Variants in TMIGD3 observed in about 807,000 individuals in gnomAD.
The protein encoded by TMIGD3 is AD026 protein (AD026).
A neutral mutation model predicts 28.1 loss-of-function variants in TMIGD3; 21 were observed. The ratio of observed to expected loss-of-function variants is 0.75; its 90% CI spans 0.53 to 1.08. The LOEUF is 1.08. Ranked by LOEUF, TMIGD3 falls within the 50% of genes least tolerant of loss-of-function variation. TMIGD3 has a pLI of 0.00. For synonymous variants in TMIGD3, 151 were observed against 162.1 expected (o/e 0.93, Z 0.52); for missense variants, 416 against 435.6 (o/e 0.96, Z 0.40).
In TMIGD3 at chr1:111,486,596, C is replaced by T. The variant is rs544577458; in HGVS notation, c.862G>A (p.Asp288Asn). Residue 288 changes from aspartate to asparagine, a missense_variant, in exon 4 of 6, where the codon GAC becomes AAC. By Grantham distance (23) the Asp-to-Asn change is conservative. Coordinates refer to ENST00000369716, the MANE Select transcript of TMIGD3 (RefSeq NM_020683.7). Reference sequence around the variant, plus strand: ...AAGACTATGACTCACCTGGAGCGGTCAGCCTTGCGGACAACTTTGGGAGCC... The same window carrying T: ...AAGACTATGACTCACCTGGAGCGGTTAGCCTTGCGGACAACTTTGGGAGCC... ...CKAPKVVRKADRSRTSILIIC... is the reference protein window; with the variant it reads ...CKAPKVVRKANRSRTSILIIC... 4 of 1,613,414 alleles carry T rather than the reference C, an allele frequency of 2.5e-6. No individual in the cohort carries two copies. Among genetic ancestry groups the T allele is most frequent in the Admixed American group, 1.7e-5 (1 of 60,000 alleles).
intron 1 of TMIGD3, among the ~76,000 whole-genome samples, chr1:111,534,483 G>T (rs755971295): frequency 2.6e-5 from 4 of 152,188 alleles, no homozygotes; most frequent in Non-Finnish European, 5.9e-5. Context: ...GAGAGTTGAC[G>T]ATTGCATTGT....
chr1:111,508,425 C>T (rs1655587084), upstream of TMIGD3, among the ~76,000 whole-genome samples: 1 of 152,300 alleles, frequency 6.6e-6, no homozygotes, highest in Middle Eastern at 3.4e-3. Context: ...CACTCGGGAC[C>T]CAGGCTGCTG....
chr1:111,508,308 C>T (rs571564000), upstream of TMIGD3, among the ~76,000 whole-genome samples: 277 of 152,368 alleles, frequency 1.8e-3, no homozygotes, highest in Non-Finnish European at 3.1e-3. Context: ...CTGCCGGAGA[C>T]TTAGCACGGT....
intron 1 of TMIGD3, among the ~76,000 whole-genome samples, chr1:111,498,826 C>G (rs1452574529): frequency 1.3e-5 from 2 of 152,204 alleles, no homozygotes; most frequent in African/African-American, 4.8e-5. Context: ...TGGTTCACAC[C>G]TGTAATCCCA....
intron 1 of TMIGD3, among the ~76,000 whole-genome samples, chr1:111,520,357 A>C (rs1159625564): frequency 6.6e-6 from 1 of 152,252 alleles, no homozygotes; most frequent in East Asian, 1.9e-4. Flanking sequence ...GAGTCATCAC[A>C]GAAAAGTTTT....
intron 1 of TMIGD3, among the ~76,000 whole-genome samples, chr1:111,498,548 T>C (rs559389448): frequency 6.6e-6 from 1 of 152,372 alleles, no homozygotes; most frequent in African/African-American, 2.4e-5. Flanking sequence ...TGGGCTTTAA[T>C]GTTACAAGTT....
intron 1 of TMIGD3, among the ~76,000 whole-genome samples, chr1:111,511,640 C>G (rs557080278): frequency 6.6e-6 from 1 of 151,268 alleles, no homozygotes; most frequent in Admixed American, 6.6e-5. Context: ...ATTTCATTCC[C>G]TCATCTCTGT....
chr1:111,557,274 C>T (rs1200000415), intron 1 of TMIGD3, among the ~76,000 whole-genome samples: 1 of 152,086 alleles, frequency 6.6e-6, no homozygotes, highest in African/African-American at 2.4e-5. Context: ...GAAGGCCAGG[C>T]GTGGTGGCTC....
Position 111,494,585 on chromosome 1 carries a change from T to C in TMIGD3, c.351-3823A>G, listed in dbSNP as rs1654809209. ...TCATAGATAGGAAGAATCAATATCATTAAAATGGCCATATTGACCAAAGCA... is the reference window on the plus strand; with the variant it reads ...TCATAGATAGGAAGAATCAATATCACTAAAATGGCCATATTGACCAAAGCA... On this transcript the variant is annotated intron_variant, in intron 1 of 5. Transcript: ENST00000369716. Among the ~76,000 whole-genome samples, 3 of 152,154 alleles carry C rather than the reference T, an allele frequency of 2.0e-5. No homozygotes were observed. In the South Asian group the frequency reaches 6.2e-4, roughly 32 times the overall value.
intron 1 of TMIGD3, among the ~76,000 whole-genome samples, chr1:111,524,186 T>G (rs527863462): frequency 6.6e-6 from 1 of 151,708 alleles, no homozygotes; most frequent in African/African-American, 2.4e-5. Flanking sequence ...CCCGCCACTA[T>G]GCCTGGCTAA....
chr1:111,517,093 G>A (rs1655895497), intron 1 of TMIGD3, among the ~76,000 whole-genome samples: 1 of 152,176 alleles, frequency 6.6e-6, no homozygotes, highest in Non-Finnish European at 1.5e-5. Flanking sequence ...GTGCAGGAGT[G>A]CAAGCTCATG....
At chr1:111,491,977 A>G (rs1401384863) in intron 1 of TMIGD3, among the ~76,000 whole-genome samples, 1 of 152,218 alleles carries the variant, frequency 6.6e-6, no homozygotes, top group African/African-American at 2.4e-5. Flanking sequence ...TGTGTGATCA[A>G]TAAAATATGG....
At chr1:111,527,203 GGTTTCACCAT>G (rs1439395677) in intron 1 of TMIGD3, among the ~76,000 whole-genome samples, 1 of 151,718 alleles carries the variant, frequency 6.6e-6, no homozygotes, top group African/African-American at 2.4e-5. Flanking sequence ...GTAGAGACAG[GGTTTCACCAT>G]GTTGGCCAGG....
chr1:111,500,777 C>G (rs1655135206), intron 1 of TMIGD3: 1 of 563,778 alleles, frequency 1.8e-6, no homozygotes, highest in African/African-American at 1.9e-5. Flanking sequence ...GGAGAAAAAT[C>G]CAGGAAACTT....
intron 1 of TMIGD3, among the ~76,000 whole-genome samples, chr1:111,508,995 T>C (rs1655604146): frequency 6.6e-6 from 1 of 152,214 alleles, no homozygotes; most frequent in South Asian, 2.1e-4. Context: ...CGCAGGAGGC[T>C]GAGGCAGGAG....
chr1:111,508,504 G>T (rs1655589214), upstream of TMIGD3, among the ~76,000 whole-genome samples: 1 of 152,202 alleles, frequency 6.6e-6, no homozygotes, highest in African/African-American at 2.4e-5. Flanking sequence ...CTCAGATGGT[G>T]CAGAAAATGA....
intron 1 of TMIGD3, among the ~76,000 whole-genome samples, chr1:111,554,769 A>T (rs997107935): frequency 6.6e-5 from 10 of 152,220 alleles, no homozygotes; most frequent in Admixed American, 5.2e-4. Context: ...CTTCAAAGTG[A>T]TTCAGGTTGG....
At chr1:111,524,929 C>G (rs1389779451) in intron 1 of TMIGD3, among the ~76,000 whole-genome samples, 2 of 152,036 alleles carry the variant, frequency 1.3e-5, no homozygotes, top group Non-Finnish European at 2.9e-5. Context: ...CTCTAATTTA[C>G]CTTTTGATTT....
chr1:111,492,250 C>T (rs1654700653), intron 1 of TMIGD3, among the ~76,000 whole-genome samples: 1 of 152,180 alleles, frequency 6.6e-6, no homozygotes, highest in Admixed American at 6.5e-5. Flanking sequence ...AACCAAAATG[C>T]CCCCTGAATT....
Sources: allele counts gnomAD v4.1 joint callset (sites outside exome capture counted in the v4.1 genomes callset), GRCh38; gene constraint gnomAD v4.1.1; transcripts MANE v1.5; gene names NCBI Gene and HGNC (gene_info 2026-07-23, HGNC 2026-07-21).